PEAK1: variants seen among roughly 807,000 people sequenced by gnomAD.
The protein encoded by PEAK1 is pseudopodium enriched atypical kinase 1.
In PEAK1, 54 loss-of-function variants were observed where a neutral mutation model predicts 124.7. The ratio of observed to expected loss-of-function variants is 0.43; its 90% CI spans 0.35 to 0.54. The LOEUF is 0.54. PEAK1 is among the 20% of genes least tolerant of loss of function. PEAK1 has a pLI of 0.01. For missense variants in PEAK1, 2,046 were observed against 2,134.5 expected (o/e 0.96, Z 0.82); for synonymous variants, 719 against 760.0 (o/e 0.95, Z 0.89).
intron 6 of PEAK1, among the ~76,000 whole-genome samples, chr15:77,233,800 T>G (rs148072307): frequency 6.6e-6 from 1 of 152,326 alleles, no homozygotes; most frequent in East Asian, 1.9e-4. Flanking sequence ...TTATTACAAT[T>G]TGAATAAAAC....
At chr15:77,338,070 T>C (rs1182004752) in intron 2 of PEAK1, 2 of 983,118 alleles carry the variant, frequency 2.0e-6, no homozygotes, top group South Asian at 4.7e-5. Flanking sequence ...TTTTAGCTAT[T>C]GGACTCAAAC....
rs1252526793 is a variant in PEAK1, at chr15:77,181,260, C to A, written c.667G>T (p.Gly223Cys). The A allele has an allele frequency of 6.2e-7, 1 of 1,613,926 alleles. No homozygotes were observed. Among genetic ancestry groups the A allele is most frequent in the Non-Finnish European group, 8.5e-7 (1 of 1,180,014 alleles). The change falls in exon 7 of 10, where the codon GGC becomes TGC. Residue 223 changes from glycine (G) to cysteine (C), a missense_variant. Coordinates refer to ENST00000682557, the MANE Select transcript of PEAK1 (RefSeq NM_001385026.1). The part of the protein sequence containing the change: ...GSTEVISNEG[G>C]RFCYPEFSSG... Reference sequence around the variant, plus strand: ...GAAAACTCTGGGTAACAGAACCGGCCCCCTTCATTACTAATCACTTCTGTG... The same window carrying A: ...GAAAACTCTGGGTAACAGAACCGGCACCCTTCATTACTAATCACTTCTGTG...
chr15:77,227,252 A>G (rs577163496), intron 6 of PEAK1, among the ~76,000 whole-genome samples: 1 of 152,314 alleles, frequency 6.6e-6, no homozygotes, highest in South Asian at 2.1e-4. Context: ...TACCATTCTT[A>G]TTACATATTT....
intron 7 of PEAK1, among the ~76,000 whole-genome samples, chr15:77,159,770 G>A (rs1424265176): frequency 6.6e-6 from 1 of 152,206 alleles, no homozygotes; most frequent in African/African-American, 2.4e-5. Flanking sequence ...TGTGCCATCA[G>A]AACATATATC....
At chr15:77,357,996 T>C (rs1459738931) in intron 2 of PEAK1, among the ~76,000 whole-genome samples, 2 of 152,134 alleles carry the variant, frequency 1.3e-5, no homozygotes, top group African/African-American at 4.8e-5. Flanking sequence ...TCAGAGGAAA[T>C]GAAAACTCCC....
At chr15:77,269,073 A>C (rs1308299873) in intron 5 of PEAK1, among the ~76,000 whole-genome samples, 4 of 152,054 alleles carry the variant, frequency 2.6e-5, no homozygotes, top group African/African-American at 9.7e-5. Flanking sequence ...TTAAAGCATA[A>C]ATCTCACAGG....
chr15:77,348,430 A>G, intron 2 of PEAK1: 1 of 932,412 alleles, frequency 1.1e-6, no homozygotes, highest in Non-Finnish European at 1.3e-6. Flanking sequence ...AAAACAGCTG[A>G]TTTTTTAAAA....
chr15:77,392,663 G>A (rs891402035), intron 1 of PEAK1, among the ~76,000 whole-genome samples: 2 of 152,082 alleles, frequency 1.3e-5, no homozygotes, highest in Non-Finnish European at 2.9e-5. Context: ...CCTCATGGAC[G>A]GTCTTCTTTA....
At chr15:77,272,144 A>C (rs1033689536) in intron 5 of PEAK1, among the ~76,000 whole-genome samples, 1 of 152,214 alleles carries the variant, frequency 6.6e-6, no homozygotes, top group Non-Finnish European at 1.5e-5. Flanking sequence ...ATAGCATTAA[A>C]TGCCTACATT....
At chr15:77,136,814 G>A (rs188190427) in intron 8 of PEAK1, among the ~76,000 whole-genome samples, 15 of 152,354 alleles carry the variant, frequency 9.8e-5, no homozygotes, top group Admixed American at 5.2e-4. Context: ...GTAACGAGGA[G>A]CTGAAGGTTA....
At chr15:77,191,437 T>G (rs2057829157) in intron 6 of PEAK1, among the ~76,000 whole-genome samples, 1 of 152,186 alleles carries the variant, frequency 6.6e-6, no homozygotes, top group African/African-American at 2.4e-5. Context: ...ATTGGGCACT[T>G]GGGAAGCTAT....
intron 8 of PEAK1, among the ~76,000 whole-genome samples, chr15:77,139,633 T>C (rs1471856338): frequency 2.0e-5 from 3 of 152,206 alleles, no homozygotes; most frequent in Non-Finnish European, 2.9e-5. Context: ...AGCACATGAC[T>C]ATATCCATTT....
chr15:77,404,246 C>T, intron 1 of PEAK1: 1 of 985,328 alleles, frequency 1.0e-6, no homozygotes, highest in Non-Finnish European at 1.2e-6. Context: ...CTTGGCTTTG[C>T]TGTTTTCTTC....
chr15:77,324,588 G>T (rs1165095132), intron 2 of PEAK1, among the ~76,000 whole-genome samples: 2 of 152,106 alleles, frequency 1.3e-5, no homozygotes. Context: ...GGTATATTTG[G>T]CTTATAGTGC....
At position 77,286,412 on chromosome 15, in the gene PEAK1, A is replaced by C. The variant is rs1362260177; in HGVS notation, c.-521+11T>G. ...TAAACATGTTACATTATGGAAAGAA[A>C]AAGTACAAACCTGGTTTAATTGGCT... On this transcript the variant is annotated intron_variant, in intron 3 of 9. Transcript: ENST00000682557. 2.5e-6 allele frequency: 3 copies of C among 1,201,084 alleles called. No individual in the cohort carries two copies. Among genetic ancestry groups the C allele is most frequent in the Non-Finnish European group, 3.1e-6 (3 of 960,344 alleles). 74.4% of individuals were successfully genotyped at this position (1,201,084 alleles called of 1,614,324 possible). A position where few individuals can be genotyped will look rare whatever the true frequency, so the allele number is the denominator to read the frequency against.
In PEAK1 at chr15:77,115,104, C is replaced by T. The variant is rs2051241130; in HGVS notation, c.4293G>A (p.Gly1431=). 3 of 1,614,098 alleles carry T rather than the reference C, an allele frequency of 1.9e-6. No individual in the cohort carries two copies. The highest frequency in any genetic ancestry group is 4.5e-5 in the East Asian group (2 of 44,874). ...TEEDAKGETD[G]KNPKPCSEAA... Reference sequence around the variant, plus strand: ...CTTCAGAACAGGGCTTTGGGTTTTTCCCATCCGTTTCTCCTTTGGCGTCTT... The same window carrying T: ...CTTCAGAACAGGGCTTTGGGTTTTTTCCATCCGTTTCTCCTTTGGCGTCTT... The change falls in exon 10 of 10, where the codon GGG becomes GGA. Residue 1431 remains glycine (G), a synonymous_variant. Transcript: ENST00000682557.
intron 6 of PEAK1, among the ~76,000 whole-genome samples, chr15:77,250,056 T>G (rs1197994881): frequency 6.6e-6 from 1 of 150,592 alleles, no homozygotes; most frequent in African/African-American, 2.4e-5. Context: ...TGTCTACCAG[T>G]GACAAGGGCA....
At chr15:77,265,329 T>C (rs992766437) in intron 5 of PEAK1, among the ~76,000 whole-genome samples, 1 of 151,894 alleles carries the variant, frequency 6.6e-6, no homozygotes, top group African/African-American at 2.4e-5. Context: ...ACCCACAAAA[T>C]GGGAGAAAAT....
chr15:77,322,919 C>A (rs1344525757), intron 2 of PEAK1, among the ~76,000 whole-genome samples: 6 of 152,218 alleles, frequency 3.9e-5, no homozygotes, highest in African/African-American at 1.2e-4. Context: ...GCAGCACATC[C>A]AAAAGCTTAT....
Sources: allele counts gnomAD v4.1 joint callset (sites outside exome capture counted in the v4.1 genomes callset), GRCh38; gene constraint gnomAD v4.1.1; transcripts MANE v1.5; gene names NCBI Gene and HGNC (gene_info 2026-07-23, HGNC 2026-07-21).